Variants in EML6 observed in about 807,000 individuals in gnomAD.
EML6 encodes the protein echinoderm microtubule-associated protein-like 6.
In EML6, 154 loss-of-function variants were observed where a neutral mutation model predicts 240.1. The observed-to-expected ratio is 0.64, with a 90% CI of 0.56 to 0.73. EML6 has a LOEUF of 0.73. Among genes scored for constraint, EML6 ranks in the 30% least tolerant of loss-of-function variants. The pLI is 0.00. For synonymous variants in EML6, 1,148 were observed against 899.0 expected, an observed-to-expected ratio of 1.28 and a Z score of -4.95; for missense variants, 2,964 against 2,474.6, an observed-to-expected ratio of 1.20 and a Z score of -4.20.
Position 54,864,698 on chromosome 2 carries a change from T to C in EML6, c.1932+809T>C, listed in dbSNP as rs536572232. Among the ~76,000 whole-genome samples the C allele has an allele frequency of 2.6e-5, 4 of 152,308 alleles. No homozygotes were observed. The South Asian group carries it at 8.3e-4, about 32-fold the overall frequency. The stretch of plus-strand genomic sequence containing the variant: ...ATAGGCCTATGGCAGCTACCATGTG[T>C]TGAAAGAAGTAAAGTAACTTGCCCA... On this transcript the variant is annotated intron_variant, in intron 13 of 41. Coordinates refer to ENST00000356458, the MANE Select transcript of EML6 (RefSeq NM_001039753.4).
At position 54,916,777 on chromosome 2, in the gene EML6, G is replaced by C; in HGVS notation, c.3517G>C (p.Asp1173His). Residue 1173 changes from aspartate (D) to histidine (H), a missense_variant, in exon 26 of 42, where the codon GAC becomes CAC. Asp to His is a moderately conservative substitution (Grantham distance 81). Transcript: ENST00000356458. Reference protein sequence around the residue: ...RPSEIEKIEWDTWTCVLGPTC... With the variant: ...RPSEIEKIEWHTWTCVLGPTC... Reference sequence around the variant, plus strand: ...TTTTCAGATCGAGAAGATAGAGTGGGACACATGGACCTGTGTCCTGGGGCC... The same window carrying C: ...TTTTCAGATCGAGAAGATAGAGTGGCACACATGGACCTGTGTCCTGGGGCC... The C allele has an allele frequency of 6.6e-7, 1 of 1,522,060 alleles. No individual in the cohort carries two copies. The highest frequency in any genetic ancestry group is 8.9e-7 in the Non-Finnish European group (1 of 1,125,168). The allele number at this position is 1,522,060 out of a possible 1,614,324, so 94.3% of individuals were successfully genotyped here.
At chr2:54,968,366 G>A in intron 40 of EML6, 85 bp downstream of exon 40, 2 of 1,276,024 alleles carry the variant, frequency 1.6e-6, no homozygotes, top group South Asian at 1.3e-5. Flanking sequence ...ATGGCCCTCT[G>A]GGAGACACAG....
chr2:54,863,770 T>C lies in EML6; in HGVS notation c.1826-13T>C, dbSNP rs1403439198. 1.4e-6 allele frequency: 2 copies of C among 1,447,032 alleles called. No individual in the cohort carries two copies. The highest frequency in any genetic ancestry group is 5.0e-5 in the East Asian group (2 of 40,040). 89.6% of individuals were successfully genotyped at this position (1,447,032 alleles called of 1,614,324 possible). On this transcript the variant is annotated splice_polypyrimidine_tract_variant and intron_variant, in intron 12 of 41. Coordinates refer to ENST00000356458, the MANE Select transcript of EML6 (RefSeq NM_001039753.4). ...GAATTTTTGCTTGTTTCTTGTGGGT[T>C]GTATCTCTGCAGAAGGTGGAGCTGA... is the stretch of plus-strand genomic sequence containing the variant.
rs144632042 is a variant in EML6 at position 54,951,088 on chromosome 2, A to G, written c.4213+309A>G. 8.5e-5 allele frequency among the ~76,000 whole-genome samples: 13 copies of G among 152,322 alleles called. No homozygotes were observed. The East Asian group carries it at 2.5e-3, about 29-fold the overall frequency. On this transcript the variant is annotated intron_variant, in intron 30 of 41. Coordinates refer to ENST00000356458, the MANE Select transcript of EML6 (RefSeq NM_001039753.4). ...AAGAGACAGGGTGTAAGGAGTGGAG[A>G]AATTCCTTGGAGACCATAACCATGA...
intron 25 of EML6, among the ~76,000 whole-genome samples, chr2:54,913,496 A>T (rs1673751342): frequency 6.6e-6 from 1 of 151,770 alleles, no homozygotes; most frequent in South Asian, 2.1e-4. Flanking sequence ...CCTCTTTTTA[A>T]TGGGGTTGTT....
At chr2:54,919,162 C>G (rs1468683413) in intron 26 of EML6, among the ~76,000 whole-genome samples, 1 of 151,616 alleles carries the variant, frequency 6.6e-6, no homozygotes, top group African/African-American at 2.4e-5. Context: ...TTCTCTTTGA[C>G]AGAGGAAATG....
intron 26 of EML6, among the ~76,000 whole-genome samples, chr2:54,921,748 G>C (rs1674266486): frequency 6.6e-6 from 1 of 151,950 alleles, no homozygotes; most frequent in Non-Finnish European, 1.5e-5. Context: ...CAATGAAACA[G>C]AATAAAGATG....
chr2:54,852,092 T>A (rs1435456911), intron 10 of EML6, among the ~76,000 whole-genome samples: 2 of 152,222 alleles, frequency 1.3e-5, no homozygotes, highest in African/African-American at 4.8e-5. Flanking sequence ...AGGATCATAG[T>A]CCTTATTTAC....
intron 12 of EML6, among the ~76,000 whole-genome samples, chr2:54,861,667 C>G (rs1424846687): frequency 1.3e-5 from 2 of 151,876 alleles, no homozygotes; most frequent in Non-Finnish European, 2.9e-5. Flanking sequence ...ATAGTCTGGA[C>G]AAACACAGAT....
chr2:54,843,949 A>T, intron 7 of EML6, 98 bp from the exon 8 acceptor site: 1 of 831,742 alleles, frequency 1.2e-6, no homozygotes, highest in Non-Finnish European at 1.8e-6. Context: ...GTTAAAGGGC[A>T]TTTACTTTAG....
rs1042967617 is a variant in EML6, at chr2:54,940,454, A to C, written c.4005-8428A>C. 8.5e-5 allele frequency among the ~76,000 whole-genome samples: 13 copies of C among 152,170 alleles called. 1 individual carries two copies. Among genetic ancestry groups the C allele is most frequent in the Admixed American group, 7.2e-4 (11 of 15,270 alleles). On this transcript the variant is annotated intron_variant, in intron 28 of 41. Transcript: ENST00000356458. ...CTTAATTTATTAGTCTGTGGCGTCA[A>C]TATAAAATTTCACTGGATTATAAAC...
chr2:54,809,187 G>A (rs1431902756), intron 2 of EML6, among the ~76,000 whole-genome samples: 1 of 152,158 alleles, frequency 6.6e-6, no homozygotes. Context: ...AAAATAACTT[G>A]CAAAAGTTGC....
chr2:54,956,960 A>T (rs1256562901), intron 32 of EML6, among the ~76,000 whole-genome samples: 1 of 152,168 alleles, frequency 6.6e-6, no homozygotes, highest in Non-Finnish European at 1.5e-5. Context: ...AGAAATTTTA[A>T]AAGTAGCTAA....
chr2:54,824,783 T>C (rs1668508570), intron 5 of EML6, among the ~76,000 whole-genome samples: 1 of 152,174 alleles, frequency 6.6e-6, no homozygotes, highest in Non-Finnish European at 1.5e-5. Flanking sequence ...TACCTAGGGC[T>C]AGATGAACTC....
At chr2:54,804,790 G>T (rs993754405) in intron 2 of EML6, among the ~76,000 whole-genome samples, 2 of 152,188 alleles carry the variant, frequency 1.3e-5, no homozygotes, top group Non-Finnish European at 2.9e-5. Flanking sequence ...TGTTCTCTCT[G>T]GTGGTTACTT....
chr2:54,916,432 T>A (rs1266915903), intron 25 of EML6, among the ~76,000 whole-genome samples: 1 of 152,210 alleles, frequency 6.6e-6, no homozygotes, highest in African/African-American at 2.4e-5. Flanking sequence ...GTGCTGGCGT[T>A]GGGGAATCTG....
intron 32 of EML6, among the ~76,000 whole-genome samples, chr2:54,957,354 GAAA>G (rs11315862): frequency 1.9e-5 from 2 of 106,472 alleles, no homozygotes; most frequent in African/African-American, 3.7e-5. Flanking sequence ...AGAATCTTAG[GAAA>G]AAAAAAAAAA....
In EML6 at chr2:54,813,480, A is replaced by T; in HGVS notation, c.357+89A>T. The T allele has an allele frequency of 5.3e-6, 6 of 1,140,514 alleles. No homozygotes were observed. In the South Asian group the frequency reaches 5.7e-5, roughly 11 times the overall value. 70.6% of individuals were successfully genotyped at this position (1,140,514 alleles called of 1,614,324 possible). A position where few individuals can be genotyped will look rare whatever the true frequency, so the allele number is the denominator to read the frequency against. On this transcript the variant is annotated intron_variant, in intron 3 of 41. Coordinates refer to ENST00000356458, the MANE Select transcript of EML6 (RefSeq NM_001039753.4). ...GGAATAGCCAGTAGATTCAAAGTCCATCAACCCTTGCTGGTTCTTCTGGCA... is the reference window on the plus strand; with the variant it reads ...GGAATAGCCAGTAGATTCAAAGTCCTTCAACCCTTGCTGGTTCTTCTGGCA...
intron 2 of EML6, among the ~76,000 whole-genome samples, chr2:54,797,520 A>G (rs1363675695): frequency 2.0e-5 from 3 of 152,190 alleles, no homozygotes; most frequent in African/African-American, 7.2e-5. Context: ...AGCGAGTCAC[A>G]CAAATATTTT....
Sources: allele counts gnomAD v4.1 joint callset (sites outside exome capture counted in the v4.1 genomes callset), GRCh38; gene constraint gnomAD v4.1.1; transcripts MANE v1.5; gene names NCBI Gene and HGNC (gene_info 2026-07-23, HGNC 2026-07-21).